Variants in MAGI2 observed in about 807,000 individuals in gnomAD.
MAGI2 encodes membrane associated guanylate kinase, WW and PDZ domain containing 2, also known as membrane-associated guanylate kinase, WW and PDZ domain-containing protein 2.
In MAGI2, 35 loss-of-function variants were observed where a neutral mutation model predicts 133.3. The observed-to-expected ratio is 0.26, with a 90% CI of 0.20 to 0.35. The LOEUF is 0.35. Among genes scored for constraint, MAGI2 ranks in the 10% least tolerant of loss-of-function variants. The probability of loss-of-function intolerance (pLI) is 1.00; values close to 1 mark genes in which losing one functional copy is unlikely to be tolerated. For synonymous variants in MAGI2, 729 were observed against 710.6 expected, an observed-to-expected ratio of 1.03 and a Z score of -0.41; for missense variants, 1,636 against 1,863.4, an observed-to-expected ratio of 0.88 and a Z score of 2.25.
intron 20 of MAGI2, among the ~76,000 whole-genome samples, chr7:78,110,477 G>A (rs2150464690): frequency 6.6e-6 from 1 of 152,296 alleles, no homozygotes; most frequent in East Asian, 1.9e-4. Context: ...TGGAAATTCA[G>A]GCTAGGCATT....
chr7:78,584,217 C>T (rs1009217407), intron 3 of MAGI2, among the ~76,000 whole-genome samples: 1 of 151,890 alleles, frequency 6.6e-6, no homozygotes, highest in African/African-American at 2.4e-5. Flanking sequence ...GTCAAGAGTT[C>T]GAGACCAGCC....
chr7:78,621,311 G>A (rs1033692051), intron 3 of MAGI2: 3 of 151,898 alleles, frequency 2.0e-5, no homozygotes, highest in African/African-American at 7.2e-5. Flanking sequence ...CTAACATGAA[G>A]GTTCATAGTT....
At chr7:79,425,535 A>G (rs1847284370) in intron 1 of MAGI2, among the ~76,000 whole-genome samples, 1 of 150,690 alleles carries the variant, frequency 6.6e-6, no homozygotes, top group African/African-American at 2.4e-5. Flanking sequence ...CTAACAAATT[A>G]TATATTAGTT....
intron 9 of MAGI2, among the ~76,000 whole-genome samples, chr7:78,300,699 C>T (rs949561020): frequency 1.3e-5 from 2 of 152,306 alleles, no homozygotes; most frequent in South Asian, 2.1e-4. Context: ...AAGGAAAGAA[C>T]TGATTCCCCA....
At chr7:78,800,799 C>T (rs1404608453) in intron 2 of MAGI2, among the ~76,000 whole-genome samples, 2 of 152,030 alleles carry the variant, frequency 1.3e-5, no homozygotes, top group African/African-American at 2.4e-5. Context: ...TTTCCTTGCT[C>T]AGTTTTTGTG....
At chr7:78,584,421 G>GAAAAAAAAAAAA (rs57844382) in intron 3 of MAGI2, among the ~76,000 whole-genome samples, 3 of 83,934 alleles carry the variant, frequency 3.6e-5, no homozygotes, top group Admixed American at 1.4e-4. Context: ...CTCCGTCTCA[G>GAAAAAAAAAAAA]AAAAAAAAAA....
rs1007953008 is a variant in MAGI2 at position 79,377,072 on chromosome 7, T to A, written c.301+75948A>T. Among the ~76,000 whole-genome samples, 11 of 151,860 alleles carry A rather than the reference T, an allele frequency of 7.2e-5. No individual in the cohort carries two copies. In the East Asian group the frequency reaches 9.7e-4, roughly 13 times the overall value. ...TTTCCACATATAAAGTTAAGATTTT[T>A]AAAATATTTTTTGTGTTTTACATTT... On this transcript the variant is annotated intron_variant, in intron 1 of 21. Coordinates refer to ENST00000354212, the MANE Select transcript of MAGI2 (RefSeq NM_012301.4).
intron 6 of MAGI2, among the ~76,000 whole-genome samples, chr7:78,452,471 T>C (rs1381691570): frequency 1.3e-5 from 2 of 152,046 alleles, no homozygotes; most frequent in Admixed American, 6.6e-5. Flanking sequence ...ATAAGAACAC[T>C]ATACTATCTA....
At chr7:78,494,498 T>C (rs893979731) in intron 5 of MAGI2, among the ~76,000 whole-genome samples, 2 of 152,198 alleles carry the variant, frequency 1.3e-5, no homozygotes, top group African/African-American at 4.8e-5. Context: ...TCATTCACTC[T>C]AGTGTTTGCC....
intron 1 of MAGI2, among the ~76,000 whole-genome samples, chr7:79,371,509 G>A (rs62458982): frequency 6.6e-6 from 1 of 151,980 alleles, no homozygotes; most frequent in African/African-American, 2.4e-5. Context: ...GTTTAGATAT[G>A]TTTATACATA....
chr7:78,108,723 TGTGTATACACACACATATGTGA>T (rs960933477), intron 20 of MAGI2, among the ~76,000 whole-genome samples: 4 of 123,830 alleles, frequency 3.2e-5, no homozygotes, highest in Non-Finnish European at 7.9e-5. Flanking sequence ...TATATATGTG[TGTGTATACACACACATATGTGA>T]GTGTATATAC....
chr7:78,148,234 T>A (rs898259678), intron 16 of MAGI2, among the ~76,000 whole-genome samples: 1 of 152,150 alleles, frequency 6.6e-6, no homozygotes, highest in Non-Finnish European at 1.5e-5. Flanking sequence ...TATTGACACA[T>A]GCAACAACAT....
rs143846936 is a variant in MAGI2 at position 78,674,961 on chromosome 7, AAGTAAGACAAG to A, written c.419-47733_419-47723del. Among the ~76,000 whole-genome samples the A allele has an allele frequency of 4.9e-3, 745 of 152,296 alleles. 13 individuals carry two copies. The highest frequency in any genetic ancestry group is 0.017 in the African/African-American group (700 of 41,580). ...AGTAAACATGTTCAAAATTTGAATA[AAGTAAGACAAG>A]ATTAGGACAAAGCTTTCTCTTTTCA... is the stretch of plus-strand genomic sequence containing the variant. On this transcript the variant is annotated intron_variant, in intron 2 of 21. Coordinates refer to ENST00000354212, the MANE Select transcript of MAGI2 (RefSeq NM_012301.4).
Position 78,019,458 on chromosome 7 carries a change from G to T in MAGI2, c.4225C>A (p.Arg1409Ser). Residue 1409 changes from arginine to serine, a missense_variant, in exon 22 of 22, where the codon CGC becomes AGC. By Grantham distance (110) the Arg-to-Ser change is moderately radical. Transcript: ENST00000354212. ...CGCGGGCCCGGCCGGGGACCCGCGCGCGCACCCGCCCTGCCCTCGGCCTCC... is the reference window on the plus strand; with the variant it reads ...CGCGGGCCCGGCCGGGGACCCGCGCTCGCACCCGCCCTGCCCTCGGCCTCC... The part of the protein sequence containing the change: ...ALEAEGRAGA[R>S]AGPRPGPRPP... The T allele has an allele frequency of 1.0e-6, 1 of 982,244 alleles. No homozygotes were observed. The highest frequency in any genetic ancestry group is 1.2e-4 in the East Asian group (1 of 8,686). The allele number at this position is 982,244 out of a possible 1,614,324, so 60.8% of individuals were successfully genotyped here.
chr7:79,242,367 G>A (rs567960531), intron 1 of MAGI2, among the ~76,000 whole-genome samples: 1 of 152,192 alleles, frequency 6.6e-6, no homozygotes, highest in Admixed American at 6.5e-5. Flanking sequence ...CTCACAGGTT[G>A]TTTTAAAGCA....
In MAGI2 at chr7:78,160,125, G is replaced by A; in HGVS notation, c.2745C>T (p.Ser915=). ...GAATGACCACATCACTGGTCTGCAG[G>A]CTGTGGGAGGCGAAGCCTTCAGGGG... The part of the protein sequence containing the change: ...ASPPEGFASH[S]LQTSDVVIHR... The change falls in exon 16 of 22, where the codon AGC becomes AGT. Residue 915 remains serine (S), a synonymous_variant. Coordinates refer to ENST00000354212, the MANE Select transcript of MAGI2 (RefSeq NM_012301.4). 1 of 1,612,096 alleles carries A rather than the reference G, an allele frequency of 6.2e-7. No individual in the cohort carries two copies. The highest frequency in any genetic ancestry group is 8.5e-7 in the Non-Finnish European group (1 of 1,179,118).
At position 79,453,260 on chromosome 7, in the gene MAGI2, C is replaced by T. The variant is rs1849419425; in HGVS notation, c.61G>A (p.Gly21Ser). The change falls in exon 1 of 22, where the codon GGC becomes AGC. Residue 21 changes from glycine to serine, a missense_variant. Transcript: ENST00000354212. The part of the protein sequence containing the change: ...WTSKVHESVI[G>S]RNPEGQLGFE... ...CCCAGCTGGCCCTCCGGGTTCCTGC[C>T]AATGACACTCTCATGGACTTTGCTA... 6.2e-7 allele frequency: 1 copy of T among 1,614,078 alleles called. No homozygotes were observed. The highest frequency in any genetic ancestry group is 8.5e-7 in the Non-Finnish European group (1 of 1,180,038).
At chr7:79,216,819 G>C (rs1830067128) in intron 1 of MAGI2, among the ~76,000 whole-genome samples, 2 of 152,088 alleles carry the variant, frequency 1.3e-5, no homozygotes, top group African/African-American at 4.8e-5. Context: ...GAACAGAATA[G>C]AGTGGAGTAA....
chr7:78,649,236 G>T (rs2885658), intron 2 of MAGI2, among the ~76,000 whole-genome samples: 9 of 88,152 alleles, frequency 1.0e-4, no homozygotes, highest in African/African-American at 1.4e-4. Context: ...AAAAAAAAAA[G>T]AAAAAAAAAG....
Sources: gnomAD v4.1 joint callset for allele counts (sites outside exome capture counted in the v4.1 genomes callset) on GRCh38, gnomAD v4.1.1 for gene constraint, MANE v1.5 for transcripts, NCBI Gene and HGNC (gene_info 2026-07-23, HGNC 2026-07-21) for gene names.